Variants in KPNA7 observed in about 807,000 individuals in gnomAD.
KPNA7 encodes karyopherin subunit alpha 7, also known as importin subunit alpha-8.
A neutral mutation model predicts 53.7 loss-of-function variants in KPNA7; 54 were observed. The observed-to-expected ratio is 1.01, with a 90% CI of 0.81 to 1.26. The LOEUF (loss-of-function observed/expected upper bound fraction) is 1.26, where lower values mean the gene tolerates loss of function less well. Among genes scored for constraint, KPNA7 ranks in the 50% most tolerant of loss-of-function variants. The probability of loss-of-function intolerance (pLI) is 0.00; values close to 1 mark genes in which losing one functional copy is unlikely to be tolerated. For missense variants in KPNA7, 640 were observed against 644.5 expected (o/e 0.99, Z 0.07); for synonymous variants, 276 against 259.3 (o/e 1.06, Z -0.62).
At chr7:99,161,139 G>A in the KPNA7 span, among the ~76,000 whole-genome samples, 1 of 152,254 alleles carries the variant, frequency 6.6e-6, no homozygotes, top group East Asian at 1.9e-4. Context: ...TGGGATTACA[G>A]GCGTGAGCCA....
At chr7:99,166,887 G>A in the KPNA7 span, among the ~76,000 whole-genome samples, 1 of 152,144 alleles carries the variant, frequency 6.6e-6, no homozygotes, top group African/African-American at 2.4e-5. Flanking sequence ...CAAAGTGCTG[G>A]GATTACAGGC....
intron 4 of KPNA7, 116 bp from the exon 5 acceptor site, chr7:99,195,454 C>A: frequency 8.4e-6 from 8 of 949,342 alleles, no homozygotes; most frequent in Non-Finnish European, 1.1e-5. Context: ...TTTGGGAGAC[C>A]AAGGCGGGCA....
the KPNA7 span, among the ~76,000 whole-genome samples, chr7:99,167,903 G>C: frequency 1.2e-4 from 18 of 151,950 alleles, no homozygotes; most frequent in Admixed American, 1.1e-3. Context: ...GTGAGTTATA[G>C]AATTGTTTCA....
Position 99,193,082 on chromosome 7 carries a change from T to C in KPNA7, c.573A>G (p.Arg191=). The change falls in exon 6 of 11, where the codon AGA becomes AGG. Residue 191 remains arginine, a synonymous_variant. Coordinates refer to ENST00000327442, the MANE Select transcript of KPNA7 (RefSeq NM_001145715.3). Reference sequence around the variant, plus strand: ...TGGCATTGCTTGTGATGACGTTATCTCTGAACTCTGGGCCATCACCTACAA... The same window carrying C: ...TGGCATTGCTTGTGATGACGTTATCCCTGAACTCTGGGCCATCACCTACAA... ...GNIAGDGPEF[R]DNVITSNAIP... The C allele has an allele frequency of 6.7e-7, 1 of 1,503,154 alleles. No individual in the cohort carries two copies. 93.1% of individuals were successfully genotyped at this position (1,503,154 alleles called of 1,614,324 possible).
chr7:99,163,991 G>C, the KPNA7 span, among the ~76,000 whole-genome samples: 22 of 151,932 alleles, frequency 1.4e-4, no homozygotes, highest in African/African-American at 5.1e-4. Flanking sequence ...GGAAACAATA[G>C]GTGCTAGAGA....
At chr7:99,217,436 C>T (rs1212158014) in intron 1 of KPNA7, among the ~76,000 whole-genome samples, 1 of 152,070 alleles carries the variant, frequency 6.6e-6, no homozygotes, top group African/African-American at 2.4e-5. Context: ...GTCAATGAGA[C>T]TTATCTGCCA....
chr7:99,159,285 G>C, the KPNA7 span, among the ~76,000 whole-genome samples: 3 of 141,196 alleles, frequency 2.1e-5, no homozygotes, highest in African/African-American at 7.9e-5. Flanking sequence ...GGAGTTCAAG[G>C]CTGTACTGAG....
the KPNA7 span, among the ~76,000 whole-genome samples, chr7:99,162,269 C>T: frequency 6.6e-5 from 10 of 151,990 alleles, no homozygotes; most frequent in Non-Finnish European, 1.3e-4. Context: ...GTCTTGAACT[C>T]CTGACCTCAG....
chr7:99,184,644 C>T (rs957227996), intron 8 of KPNA7, among the ~76,000 whole-genome samples: 2 of 152,216 alleles, frequency 1.3e-5, no homozygotes, highest in Admixed American at 6.5e-5. Flanking sequence ...TTCACCACCG[C>T]TTAGACATAA....
At chr7:99,181,061 G>GTC (rs71537228) in intron 9 of KPNA7, among the ~76,000 whole-genome samples, 221 of 4,318 alleles carry the variant, frequency 0.051, 94 homozygotes, top group South Asian at 0.15. Context: ...CTCCGTCTGT[G>GTC]TCTCTCTCTC....
chr7:99,207,279 C>T (rs1584318668), intron 2 of KPNA7, 122 bp downstream of exon 2: 6 of 766,076 alleles, frequency 7.8e-6, no homozygotes, highest in Admixed American at 4.1e-5. Context: ...GTGATCTGCC[C>T]GTCTCAGCCT....
upstream of KPNA7, among the ~76,000 whole-genome samples, chr7:99,209,783 ACTTG>A (rs1250655539): frequency 6.6e-6 from 1 of 151,074 alleles, no homozygotes; most frequent in Non-Finnish European, 1.5e-5. Context: ...TAAGGTGGAG[ACTTG>A]CTTAAGGCCA....
In KPNA7 at chr7:99,181,023, G is replaced by GTCTC. The variant is rs1554462254; in HGVS notation, c.1317+856_1317+859dup. ...TCTGTCTCTCTCTCTCTGTGTGTGT[G>GTCTC]TCTCTCTGTGTGTGTCTCTCTCTCT... On this transcript the variant is annotated intron_variant, in intron 9 of 10. Transcript: ENST00000327442. 2.1e-3 allele frequency among the ~76,000 whole-genome samples: 7 copies of GTCTC among 3,362 alleles called. 2 individuals are homozygous for GTCTC. Among genetic ancestry groups the GTCTC allele is most frequent in the African/African-American group, 4.1e-3 (6 of 1,478 alleles). 2.2% of individuals were successfully genotyped at this position (3,362 alleles called of 152,430 possible).
intron 8 of KPNA7, among the ~76,000 whole-genome samples, chr7:99,182,569 A>C (rs907829394): frequency 2.0e-5 from 3 of 152,056 alleles, no homozygotes; most frequent in South Asian, 4.2e-4. Context: ...TCCTGACCTC[A>C]AGTGATCCTC....
upstream of KPNA7, among the ~76,000 whole-genome samples, chr7:99,209,236 G>A (rs891743362): frequency 1.3e-5 from 2 of 152,002 alleles, no homozygotes; most frequent in Non-Finnish European, 2.9e-5. Flanking sequence ...GAGGAGACCC[G>A]CCAAGGCTGC....
At chr7:99,188,636 T>C (rs1789767792) in intron 6 of KPNA7, 73 bp from the exon 7 acceptor site, 2 of 1,421,710 alleles carry the variant, frequency 1.4e-6, no homozygotes, top group Admixed American at 2.0e-5. Context: ...GTTCTTACCA[T>C]TTCCAATCAA....
chr7:99,149,989 G>A, the KPNA7 span, among the ~76,000 whole-genome samples: 1 of 152,042 alleles, frequency 6.6e-6, no homozygotes, highest in African/African-American at 2.4e-5. Flanking sequence ...AGTAGAGACA[G>A]GGTTTCACCA....
chr7:99,206,699 T>C (rs1240203585), intron 2 of KPNA7, among the ~76,000 whole-genome samples: 1 of 152,034 alleles, frequency 6.6e-6, no homozygotes. Context: ...AACTCCTATC[T>C]TCAAGCGATC....
In KPNA7 at chr7:99,184,920, G is replaced by A. The variant is rs1029756949; in HGVS notation, c.1134+9C>T. ...GTCCTTTGCCATGGTTGCTGTGTGCGCCACTTACGTTTTTTAGCAGAGCCA... is the reference window on the plus strand; with the variant it reads ...GTCCTTTGCCATGGTTGCTGTGTGCACCACTTACGTTTTTTAGCAGAGCCA... On this transcript the variant is annotated intron_variant, in intron 8 of 10. Transcript: ENST00000327442. The A allele has an allele frequency of 4.2e-5, 65 of 1,549,230 alleles. No homozygotes were observed. Among genetic ancestry groups the A allele is most frequent in the East Asian group, 2.4e-4 (10 of 40,914 alleles).
Sources: allele counts gnomAD v4.1 joint callset (sites outside exome capture counted in the v4.1 genomes callset), GRCh38; gene constraint gnomAD v4.1.1; transcripts MANE v1.5; gene names NCBI Gene and HGNC (gene_info 2026-07-23, HGNC 2026-07-21).